Variants in FGD5 observed in about 807,000 individuals in gnomAD.
The protein encoded by FGD5 is FYVE, RhoGEF and PH domain containing 5, also known as FYVE, RhoGEF and PH domain-containing protein 5.
A neutral mutation model predicts 133.4 loss-of-function variants in FGD5; 28 were observed. The ratio of observed to expected loss-of-function variants is 0.21; its 90% CI spans 0.16 to 0.29. FGD5 has a LOEUF of 0.29. Ranked by LOEUF, FGD5 falls within the 10% of genes least tolerant of loss-of-function variation. FGD5 has a pLI of 1.00. For missense variants in FGD5, 1,858 were observed against 1,895.2 expected (o/e 0.98, Z 0.36); for synonymous variants, 810 against 776.5 (o/e 1.04, Z -0.72).
chr3:14,865,765 G>A (rs1331948261), intron 2 of FGD5, among the ~76,000 whole-genome samples: 5 of 152,210 alleles, frequency 3.3e-5, no homozygotes, highest in African/African-American at 9.7e-5. Flanking sequence ...AAGGGGTCAG[G>A]TCTCAAGCAC....
chr3:14,873,044 A>G (rs987825511), intron 2 of FGD5, among the ~76,000 whole-genome samples: 1 of 152,164 alleles, frequency 6.6e-6, no homozygotes, highest in African/African-American at 2.4e-5. Flanking sequence ...CTTGTTTATA[A>G]TTTGGCATCG....
intron 1 of FGD5, among the ~76,000 whole-genome samples, chr3:14,838,340 G>A (rs2036857001): frequency 6.6e-6 from 1 of 152,218 alleles, no homozygotes; most frequent in Non-Finnish European, 1.5e-5. Context: ...AGATAACCAA[G>A]GGTAATCTCC....
intron 4 of FGD5, among the ~76,000 whole-genome samples, chr3:14,885,038 A>G (rs542239873): frequency 6.6e-6 from 1 of 151,498 alleles, no homozygotes; most frequent in East Asian, 2.0e-4. Flanking sequence ...TTGCCTAATA[A>G]ATACAGAGGG....
intron 1 of FGD5, among the ~76,000 whole-genome samples, chr3:14,824,809 T>C (rs1262228937): frequency 6.6e-6 from 1 of 152,218 alleles, no homozygotes; most frequent in African/African-American, 2.4e-5. Context: ...TCAGTTGCCG[T>C]AAATAGAAGG....
chr3:14,893,772 T>TTTTTTTTTTTTTTTTTTTTTTA (rs2038080258), intron 4 of FGD5, among the ~76,000 whole-genome samples: 1 of 146,256 alleles, frequency 6.8e-6, no homozygotes, highest in Non-Finnish European at 1.5e-5. Flanking sequence ...TTTTTTTTTT[T>TTTTTTTTTTTTTTTTTTTTTTA]GAGACAGAGT....
At chr3:14,872,389 A>G (rs1347780231) in intron 2 of FGD5, among the ~76,000 whole-genome samples, 1 of 152,216 alleles carries the variant, frequency 6.6e-6, no homozygotes, top group South Asian at 2.1e-4. Flanking sequence ...TATTTCTTAT[A>G]AGGGGTTACA....
upstream of FGD5, among the ~76,000 whole-genome samples, chr3:14,814,624 G>A (rs755218785): frequency 1.3e-5 from 2 of 152,094 alleles, no homozygotes; most frequent in Non-Finnish European, 2.9e-5. Context: ...TGCCTCTGGT[G>A]ATCTCAACAG....
At chr3:14,818,880 A>G (rs915759785), upstream of FGD5, 35 of 1,382,804 alleles carry the variant, frequency 2.5e-5, no homozygotes, top group African/African-American at 4.7e-4. Flanking sequence ...GTCCCCTGCA[A>G]CTGGTGTGTA....
chr3:14,835,761 G>A (rs989612494), intron 1 of FGD5, among the ~76,000 whole-genome samples: 3 of 152,206 alleles, frequency 2.0e-5, no homozygotes, highest in Admixed American at 2.0e-4. Context: ...TTTCTAGAAT[G>A]CCTCTCAGTT....
intron 10 of FGD5, among the ~76,000 whole-genome samples, chr3:14,908,848 CCAGCCCGGGCG>C (rs1389860890): frequency 1.3e-5 from 2 of 151,520 alleles, no homozygotes; most frequent in African/African-American, 2.4e-5. Context: ...CCATTGCACT[CCAGCCCGGGCG>C]ACAGTGCGAG....
intron 6 of FGD5, among the ~76,000 whole-genome samples, chr3:14,898,331 G>T (rs1294159474): frequency 6.6e-6 from 1 of 152,156 alleles, no homozygotes; most frequent in African/African-American, 2.4e-5. Flanking sequence ...AAGGGTCTCA[G>T]GGTAGTTTTC....
At position 14,910,931 on chromosome 3, in the gene FGD5, T is replaced by C; in HGVS notation, c.3405+2T>C. On this transcript the variant is annotated splice_donor_variant, in intron 11 of 19. Transcript: ENST00000285046. LOFTEE classifies it high-confidence loss of function. ...AGACGGCCCCGGCACCTATTTCTGG[T>C]AAGTGCCCGGTCCCCAAGCCCAGCT... 6.2e-7 allele frequency: 1 copy of C among 1,610,960 alleles called. No homozygotes were observed. Among genetic ancestry groups the C allele is most frequent in the Non-Finnish European group, 8.5e-7 (1 of 1,178,556 alleles).
intron 1 of FGD5, among the ~76,000 whole-genome samples, chr3:14,811,080 A>G (rs2036286065): frequency 6.6e-6 from 1 of 151,878 alleles, no homozygotes; most frequent in African/African-American, 2.4e-5. Context: ...GCCCTGCCTC[A>G]GGGACCTTCT....
chr3:14,865,782 G>C (rs1246409534), intron 2 of FGD5, among the ~76,000 whole-genome samples: 1 of 152,180 alleles, frequency 6.6e-6, no homozygotes, highest in East Asian at 1.9e-4. Flanking sequence ...GCACAGCTCT[G>C]GCTGGCTCCA....
upstream of FGD5, among the ~76,000 whole-genome samples, chr3:14,816,122 G>A (rs2036363994): frequency 6.6e-6 from 1 of 152,208 alleles, no homozygotes; most frequent in African/African-American, 2.4e-5. Flanking sequence ...CTAGGAGACA[G>A]TGCCTTCAGA....
rs551044806 is a variant in FGD5 at position 14,836,233 on chromosome 3, C to T, written c.2525+14637C>T. On this transcript the variant is annotated intron_variant, in intron 1 of 19. Coordinates refer to ENST00000285046, the MANE Select transcript of FGD5 (RefSeq NM_152536.4). ...AAGAGAGAAGGGTGATGTCATATGGCGAGAGATTGTTCTGGGCCACGCTCC... is the reference window on the plus strand; with the variant it reads ...AAGAGAGAAGGGTGATGTCATATGGTGAGAGATTGTTCTGGGCCACGCTCC... Among the ~76,000 whole-genome samples the T allele has an allele frequency of 7.2e-5, 11 of 152,310 alleles. No individual in the cohort carries two copies. In the South Asian group the frequency reaches 2.3e-3, roughly 32 times the overall value.
intron 5 of FGD5, 86 bp from the exon 6 acceptor site, chr3:14,897,853 G>A (rs1466720211): frequency 1.3e-6 from 2 of 1,552,466 alleles, no homozygotes; most frequent in East Asian, 2.3e-5. Context: ...CTGCACCCAG[G>A]GATGTGACTC....
intron 1 of FGD5, among the ~76,000 whole-genome samples, chr3:14,838,014 C>A (rs2036850373): frequency 6.6e-6 from 1 of 152,228 alleles, no homozygotes; most frequent in Admixed American, 6.5e-5. Context: ...GGGTCCTTTA[C>A]TGAGGGTCTC....
intron 1 of FGD5, among the ~76,000 whole-genome samples, chr3:14,853,793 G>A (rs1212165241): frequency 6.8e-6 from 1 of 146,766 alleles, no homozygotes. Context: ...ATCTCCCCAC[G>A]TGGAGGCACA....
Sources: allele counts gnomAD v4.1 joint callset (sites outside exome capture counted in the v4.1 genomes callset), GRCh38; gene constraint gnomAD v4.1.1; transcripts MANE v1.5; gene names NCBI Gene and HGNC (gene_info 2026-07-23, HGNC 2026-07-21).